The following DRC11 variants were observed in gnomAD, a reference collection of about 807,000 sequenced individuals.
The protein encoded by DRC11 is IQ and AAA domain-containing protein 1.
chr2:236,450,469 A>G, the DRC11 span, among the ~76,000 whole-genome samples: 3,463 of 151,096 alleles, frequency 0.023, 134 homozygotes, highest in African/African-American at 0.079. Flanking sequence ...ACAGGTGTGC[A>G]CCACCACACC....
the DRC11 span, among the ~76,000 whole-genome samples, chr2:236,315,329 C>T: frequency 6.6e-6 from 1 of 151,954 alleles, no homozygotes; most frequent in Non-Finnish European, 1.5e-5. This position sits in a 1 kb window ranked among gnomAD's most constrained non-coding sequence, Gnocchi z 5.1. Context: ...GGTAAACTCG[C>T]AGATATAAAT....
chr2:236,490,924 A>G, the DRC11 span, among the ~76,000 whole-genome samples: 2 of 147,482 alleles, frequency 1.4e-5, no homozygotes, highest in Non-Finnish European at 3.0e-5. The surrounding 1 kb of genome is among the most constrained non-coding windows in gnomAD (Gnocchi z 5.5). Context: ...GTGTATATAT[A>G]TGTGTATATA....
the DRC11 span, among the ~76,000 whole-genome samples, chr2:236,354,274 T>TTA: frequency 6.1e-4 from 35 of 57,826 alleles, no homozygotes; most frequent in African/African-American, 1.8e-3. Context: ...TGCGTGTGTG[T>TTA]GTATGAGTTT....
the DRC11 span, among the ~76,000 whole-genome samples, chr2:236,431,394 G>A: frequency 3.3e-5 from 5 of 152,168 alleles, no homozygotes; most frequent in Non-Finnish European, 5.9e-5. The surrounding 1 kb of genome is among the most constrained non-coding windows in gnomAD (Gnocchi z 4.2). Flanking sequence ...GAGAAGTGCC[G>A]AGCAAAGGAG....
the DRC11 span, among the ~76,000 whole-genome samples, chr2:236,330,640 A>T: frequency 6.6e-6 from 1 of 152,180 alleles, no homozygotes; most frequent in Non-Finnish European, 1.5e-5. The surrounding 1 kb of genome is among the most constrained non-coding windows in gnomAD (Gnocchi z 5.5). Context: ...CCTTCTGGTG[A>T]CTGCACAGCC....
the DRC11 span, among the ~76,000 whole-genome samples, chr2:236,356,321 A>G: frequency 6.6e-6 from 1 of 152,156 alleles, no homozygotes; most frequent in East Asian, 1.9e-4. Flanking sequence ...CTCACTGGCA[A>G]GGCGGATACA....
At chr2:236,443,331 C>T in the DRC11 span, among the ~76,000 whole-genome samples, 1 of 152,216 alleles carries the variant, frequency 6.6e-6, no homozygotes, top group East Asian at 1.9e-4. This position sits in a 1 kb window ranked among gnomAD's most constrained non-coding sequence, Gnocchi z 4.4. Flanking sequence ...GATGCTCTCC[C>T]TCCCCGCAAC....
At chr2:236,411,892 G>A in the DRC11 span, among the ~76,000 whole-genome samples, 1 of 121,392 alleles carries the variant, frequency 8.2e-6, no homozygotes, top group Non-Finnish European at 1.6e-5. Context: ...TCTGGGGACT[G>A]TTGTGGGGTG....
the DRC11 span, among the ~76,000 whole-genome samples, chr2:236,357,063 T>C: frequency 3.5e-5 from 3 of 84,678 alleles, 1 homozygote; most frequent in Non-Finnish European, 8.2e-5. Flanking sequence ...TCTATTTATA[T>C]ATTCATATAT....
chr2:236,399,178 T>TG, the DRC11 span, among the ~76,000 whole-genome samples: 1 of 152,040 alleles, frequency 6.6e-6, no homozygotes. The surrounding 1 kb of genome is among the most constrained non-coding windows in gnomAD (Gnocchi z 7.0). Flanking sequence ...TTTGAAGAGA[T>TG]GGGGTTTCAC....
the DRC11 span, among the ~76,000 whole-genome samples, chr2:236,345,060 C>T: frequency 0.098 from 3,830 of 39,022 alleles, 2 homozygotes; most frequent in Non-Finnish European, 0.12. Context: ...AGAGCCCTGG[C>T]TGTGAACGTG....
chr2:236,499,930 C>T, the DRC11 span, among the ~76,000 whole-genome samples: 1 of 152,180 alleles, frequency 6.6e-6, no homozygotes, highest in East Asian at 1.9e-4. This position sits in a 1 kb window ranked among gnomAD's most constrained non-coding sequence, Gnocchi z 4.7. Context: ...GCATCCTCTG[C>T]CCCAGGCTCA....
At chr2:236,357,810 G>C in the DRC11 span, among the ~76,000 whole-genome samples, 1 of 99,434 alleles carries the variant, frequency 1.0e-5, no homozygotes, top group Non-Finnish European at 2.1e-5. Flanking sequence ...TATAAATATA[G>C]AATATATAAA....
the DRC11 span, among the ~76,000 whole-genome samples, chr2:236,384,115 C>T: frequency 6.6e-6 from 1 of 151,620 alleles, no homozygotes; most frequent in African/African-American, 2.4e-5. Context: ...AATAATGCCA[C>T]AATAAACATA....
the DRC11 span, among the ~76,000 whole-genome samples, chr2:236,339,910 G>C: frequency 6.6e-6 from 1 of 152,198 alleles, no homozygotes. Flanking sequence ...TGAATTTTAG[G>C]ATCAGTTACC....
the DRC11 span, among the ~76,000 whole-genome samples, chr2:236,481,254 T>C: frequency 0.017 from 2,542 of 152,354 alleles, 33 homozygotes; most frequent in Non-Finnish European, 0.023. Flanking sequence ...TGATGCTTCC[T>C]GTAGGTTGAG....
chr2:236,342,731 G>A, the DRC11 span, among the ~76,000 whole-genome samples: 28 of 152,316 alleles, frequency 1.8e-4, 1 homozygote, highest in South Asian at 5.0e-3. This position sits in a 1 kb window ranked among gnomAD's most constrained non-coding sequence, Gnocchi z 5.8. Flanking sequence ...CTGGGGGTGG[G>A]AGGTGGAGGA....
chr2:236,352,058 G>A, the DRC11 span, among the ~76,000 whole-genome samples: 1 of 152,314 alleles, frequency 6.6e-6, no homozygotes, highest in South Asian at 2.1e-4. This position sits in a 1 kb window ranked among gnomAD's most constrained non-coding sequence, Gnocchi z 7.0. Flanking sequence ...GGCCGGGAGA[G>A]GGTGACAGAG....
chr2:236,462,619 CG>C, the DRC11 span, among the ~76,000 whole-genome samples: 2 of 152,002 alleles, frequency 1.3e-5, no homozygotes, highest in South Asian at 4.2e-4. This position sits in a 1 kb window ranked among gnomAD's most constrained non-coding sequence, Gnocchi z 6.4. Flanking sequence ...TGCAGTGAGC[CG>C]AGATCACATC....
Sources: gnomAD v4.1 joint callset for allele counts (sites outside exome capture counted in the v4.1 genomes callset) on GRCh38, gnomAD v4.1.1 for gene constraint, Gnocchi (gnomAD v3.1) non-coding constraint, MANE v1.5 for transcripts, NCBI Gene and HGNC (gene_info 2026-07-23, HGNC 2026-07-21) for gene names.